Variants in PRKCE observed in about 807,000 individuals in gnomAD.
PRKCE encodes the protein protein kinase C epsilon type.
A neutral mutation model predicts 85.4 loss-of-function variants in PRKCE; 16 were observed. The observed-to-expected ratio is 0.19, with a 90% CI of 0.13 to 0.28. The LOEUF (loss-of-function observed/expected upper bound fraction) is 0.28, where lower values mean the gene tolerates loss of function less well. Ranked by LOEUF, PRKCE falls within the 10% of genes least tolerant of loss-of-function variation. The probability of loss-of-function intolerance (pLI) is 1.00; values close to 1 mark genes in which losing one functional copy is unlikely to be tolerated. For missense variants in PRKCE, 573 were observed against 975.2 expected (o/e 0.59, Z 5.49); for synonymous variants, 388 against 371.5 (o/e 1.04, Z -0.51).
At chr2:46,105,147 G>T (rs1301014172) in intron 11 of PRKCE, among the ~76,000 whole-genome samples, 2 of 152,060 alleles carry the variant, frequency 1.3e-5, no homozygotes, top group East Asian at 3.8e-4. Context: ...GTAGACAGAA[G>T]CTGCTTCTCC....
chr2:45,913,378 G>A lies in PRKCE; in HGVS notation c.413-63051G>A, dbSNP rs187627398. Among the ~76,000 whole-genome samples the A allele has an allele frequency of 1.5e-3, 224 of 152,284 alleles. 1 individual carries two copies. Among genetic ancestry groups the A allele is most frequent in the African/African-American group, 5.0e-3 (209 of 41,540 alleles). ...TTGTCCAGGCTGGTCTTGAACTCCT[G>A]GGCTCAAGCGATCCACCCATCTTGG... On this transcript the variant is annotated intron_variant, in intron 2 of 14. Transcript: ENST00000306156.
intron 6 of PRKCE, among the ~76,000 whole-genome samples, chr2:45,988,948 G>C (rs1703572054): frequency 6.6e-6 from 1 of 152,196 alleles, no homozygotes; most frequent in South Asian, 2.1e-4. Context: ...CCTGGAGGCA[G>C]AGACACCCAA....
At chr2:45,865,249 A>G (rs1020676491) in intron 2 of PRKCE, among the ~76,000 whole-genome samples, 1 of 152,174 alleles carries the variant, frequency 6.6e-6, no homozygotes, top group African/African-American at 2.4e-5. Flanking sequence ...TCTTTAATCA[A>G]TTGGAATTCT....
rs373836322 is a variant in PRKCE at position 45,995,883 on chromosome 2, G to A, written c.824-5521G>A. 3.9e-5 allele frequency among the ~76,000 whole-genome samples: 6 copies of A among 152,278 alleles called. No individual in the cohort carries two copies. In the East Asian group the frequency reaches 1.2e-3, roughly 29 times the overall value. ...CCTCTCCATATAAACTTTAGAATGA[G>A]TTTGTCGATATCCATAAATAACTTG... On this transcript the variant is annotated intron_variant, in intron 6 of 14. Coordinates refer to ENST00000306156, the MANE Select transcript of PRKCE (RefSeq NM_005400.3).
chr2:46,035,191 A>C (rs575477679), intron 10 of PRKCE, among the ~76,000 whole-genome samples: 1 of 152,322 alleles, frequency 6.6e-6, no homozygotes, highest in African/African-American at 2.4e-5. Context: ...AGGTGTCCCC[A>C]TACACCACAG....
At chr2:45,941,622 A>G (rs1699884272) in intron 2 of PRKCE, among the ~76,000 whole-genome samples, 1 of 152,192 alleles carries the variant, frequency 6.6e-6, no homozygotes, top group Non-Finnish European at 1.5e-5. Flanking sequence ...GGGGAGATTC[A>G]GTCAGCACAA....
At chr2:45,997,770 C>A (rs1704339640) in intron 6 of PRKCE, among the ~76,000 whole-genome samples, 1 of 152,210 alleles carries the variant, frequency 6.6e-6, no homozygotes, top group African/African-American at 2.4e-5. Context: ...TGGTCTCAAA[C>A]TCCTGACCTC....
chr2:46,011,563 T>G (rs1392246585), intron 10 of PRKCE, among the ~76,000 whole-genome samples: 1 of 152,146 alleles, frequency 6.6e-6, no homozygotes, highest in Non-Finnish European at 1.5e-5. Flanking sequence ...CAGAGAGGAT[T>G]TCTCAGAACC....
At chr2:45,784,806 A>C (rs10191412) in intron 1 of PRKCE, among the ~76,000 whole-genome samples, 48,998 of 152,030 alleles carry the variant, frequency 0.32, 12,704 homozygotes, top group African/African-American at 0.72. Flanking sequence ...ATGGTGGTTG[A>C]CTTTGGTTGG....
At chr2:45,850,064 C>T (rs1692128362) in intron 2 of PRKCE, among the ~76,000 whole-genome samples, 1 of 152,192 alleles carries the variant, frequency 6.6e-6, no homozygotes, top group African/African-American at 2.4e-5. Flanking sequence ...CCTCTAGATG[C>T]ACAGCAGTGC....
At chr2:46,146,440 G>T (rs7578422) in intron 12 of PRKCE, among the ~76,000 whole-genome samples, 1 of 152,238 alleles carries the variant, frequency 6.6e-6, no homozygotes, top group Non-Finnish European at 1.5e-5. Flanking sequence ...TTGGTCTAAA[G>T]GGAGTGATAG....
intron 10 of PRKCE, among the ~76,000 whole-genome samples, chr2:46,063,670 C>G (rs1667357248): frequency 6.6e-6 from 1 of 152,164 alleles, no homozygotes. Flanking sequence ...GCAGAGAATT[C>G]CGCAACTGTG....
intron 1 of PRKCE, among the ~76,000 whole-genome samples, chr2:45,799,683 T>C (rs542910955): frequency 6.6e-6 from 1 of 152,374 alleles, no homozygotes; most frequent in Admixed American, 6.5e-5. Context: ...ATACTCAAAA[T>C]CTGATACTTT....
intron 2 of PRKCE, among the ~76,000 whole-genome samples, chr2:45,959,877 T>G (rs1701262453): frequency 6.6e-6 from 1 of 152,188 alleles, no homozygotes; most frequent in South Asian, 2.1e-4. Context: ...GAGAGGGAGT[T>G]GTCTCTATGA....
At chr2:45,744,491 CTT>C (rs1558623891) in intron 1 of PRKCE, among the ~76,000 whole-genome samples, 1 of 47,662 alleles carries the variant, frequency 2.1e-5, no homozygotes, top group African/African-American at 9.7e-5. Flanking sequence ...CTTTCTTTTT[CTT>C]TCTTTCTTTT....
chr2:46,081,809 A>G (rs1377003764), intron 10 of PRKCE, among the ~76,000 whole-genome samples: 1 of 152,168 alleles, frequency 6.6e-6, no homozygotes, highest in African/African-American at 2.4e-5. Flanking sequence ...GAATCAAGCT[A>G]TAGAGGCTGG....
chr2:45,683,108 C>G (rs575765434), intron 1 of PRKCE, among the ~76,000 whole-genome samples: 1 of 152,234 alleles, frequency 6.6e-6, no homozygotes, highest in Admixed American at 6.5e-5. Context: ...ATTTTACTTC[C>G]TGAATGAAAG....
intron 11 of PRKCE, among the ~76,000 whole-genome samples, chr2:46,133,023 T>C (rs1574556832): frequency 6.6e-6 from 1 of 152,198 alleles, no homozygotes; most frequent in East Asian, 1.9e-4. Flanking sequence ...TAAAAGGGGC[T>C]AACCAATCTC....
At chr2:46,129,426 TA>T (rs1364595816) in intron 11 of PRKCE, among the ~76,000 whole-genome samples, 6 of 151,744 alleles carry the variant, frequency 4.0e-5, no homozygotes, top group Non-Finnish European at 5.9e-5. Context: ...AACGTTATTT[TA>T]TTTTTTTTAT....
Sources: gnomAD v4.1 joint callset for allele counts (sites outside exome capture counted in the v4.1 genomes callset) on GRCh38, gnomAD v4.1.1 for gene constraint, MANE v1.5 for transcripts, NCBI Gene and HGNC (gene_info 2026-07-23, HGNC 2026-07-21) for gene names.